RSPH14: variants seen among roughly 807,000 people sequenced by gnomAD.
The protein encoded by RSPH14 is rhabdoid tumor deletion region gene 1.
RSPH14 carries 20 observed loss-of-function variants against 26.7 expected under a neutral mutation model. That is an observed-to-expected ratio of 0.75 (90% CI 0.53 to 1.09). The LOEUF is 1.09. RSPH14 is among the 50% of genes least tolerant of loss of function. The pLI is 0.00. For missense variants in RSPH14, 449 were observed against 457.2 expected (o/e 0.98, Z 0.16); for synonymous variants, 177 against 189.3 (o/e 0.93, Z 0.53).
At position 23,076,289 on chromosome 22, in the gene RSPH14, T is replaced by C. The variant is rs117960119; in HGVS notation, c.422-12156A>G. Among the ~76,000 whole-genome samples, 1,040 of 152,332 alleles carry C rather than the reference T, an allele frequency of 6.8e-3. 13 individuals are homozygous for C. Among genetic ancestry groups the C allele is most frequent in the Middle Eastern group, 0.068 (20 of 294 alleles). ...ATCGTATGTGTTTGTGTAAGCTCCA[T>C]GAGGGCAGGGACGTTGCGGAGTCAC... On this transcript the variant is annotated intron_variant, in intron 4 of 6. Transcript: ENST00000216036.
intron 4 of RSPH14, among the ~76,000 whole-genome samples, chr22:23,099,198 CA>C (rs1451140883): frequency 6.6e-6 from 1 of 152,270 alleles, no homozygotes; most frequent in Non-Finnish European, 1.5e-5. Flanking sequence ...AGGAGAACGT[CA>C]GTGTCTCTGG....
chr22:23,109,077 T>C (rs2069567337), intron 4 of RSPH14, among the ~76,000 whole-genome samples: 1 of 152,194 alleles, frequency 6.6e-6, no homozygotes, highest in African/African-American at 2.4e-5. Flanking sequence ...TCATGAGGCC[T>C]GGACAGTGCC....
In RSPH14 at chr22:23,065,958, C is replaced by G. The variant is rs1165481626; in HGVS notation, c.422-1825G>C. Among the ~76,000 whole-genome samples, 4 of 152,318 alleles carry G rather than the reference C, an allele frequency of 2.6e-5. No homozygotes were observed. The East Asian group carries it at 7.7e-4, about 29-fold the overall frequency. ...TCTCTCTCGCAGCTCCCTGCTTTGC[C>G]CATACCACACACCTGGCCTCCTGCT... On this transcript the variant is annotated intron_variant, in intron 4 of 6. Transcript: ENST00000216036.
At chr22:23,145,389 G>T, upstream of RSPH14, 1 of 1,608,664 alleles carries the variant, frequency 6.2e-7, no homozygotes, top group Non-Finnish European at 8.5e-7. Flanking sequence ...GTGCAAGCTG[G>T]ATGCTTGGAC....
At chr22:23,064,529 A>C (rs988850295) in intron 4 of RSPH14, among the ~76,000 whole-genome samples, 4 of 152,152 alleles carry the variant, frequency 2.6e-5, no homozygotes, top group African/African-American at 9.7e-5. Context: ...CCTGCCCCAG[A>C]GTTGGGGAGC....
chr22:23,134,373 G>C (rs1031032387), intron 3 of RSPH14, among the ~76,000 whole-genome samples: 3 of 152,062 alleles, frequency 2.0e-5, no homozygotes, highest in Non-Finnish European at 2.9e-5. Context: ...TGTTCTTCTG[G>C]TCTCCCTTGC....
chr22:23,160,127 C>G, the RSPH14 span, among the ~76,000 whole-genome samples: 1 of 152,162 alleles, frequency 6.6e-6, no homozygotes, highest in African/African-American at 2.4e-5. Context: ...GAGGGGACAG[C>G]AGATATCTAG....
rs1479710857 is a variant in RSPH14 at position 23,082,104 on chromosome 22, G to A, written c.422-17971C>T. ...CGTGCCGCTGCACTCCAGCCTGGGC[G>A]ACAGAGCAAGACTCCGCCTCAAAAA... On this transcript the variant is annotated intron_variant, in intron 4 of 6. Transcript: ENST00000216036. Among the ~76,000 whole-genome samples the A allele has an allele frequency of 2.4e-4, 34 of 139,432 alleles. No individual in the cohort carries two copies. In the East Asian group the frequency reaches 3.9e-3, roughly 16 times the overall value. 91.5% of individuals were successfully genotyped at this position (139,432 alleles called of 152,430 possible). A position where few individuals can be genotyped will look rare whatever the true frequency, so the allele number is the denominator to read the frequency against.
intron 4 of RSPH14, among the ~76,000 whole-genome samples, chr22:23,082,397 T>G (rs1379797713): frequency 5.9e-5 from 8 of 135,024 alleles, no homozygotes; most frequent in African/African-American, 2.2e-4. Flanking sequence ...TTTTTTTTTG[T>G]ATCTTTAGTA....
intron 4 of RSPH14, among the ~76,000 whole-genome samples, chr22:23,097,207 A>C (rs1445438963): frequency 6.6e-6 from 1 of 152,098 alleles, no homozygotes; most frequent in Non-Finnish European, 1.5e-5. Flanking sequence ...GGAGTCACGA[A>C]GTTGTGGGTA....
At chr22:23,147,192 C>G (rs2070830194), upstream of RSPH14, among the ~76,000 whole-genome samples, 1 of 152,198 alleles carries the variant, frequency 6.6e-6, no homozygotes, top group Non-Finnish European at 1.5e-5. Flanking sequence ...TGAAAACTCA[C>G]AGCTCTCTTG....
At position 23,138,829 on chromosome 22, in the gene RSPH14, C is replaced by T. The variant is rs1228114485; in HGVS notation, c.302+11G>A. On this transcript the variant is annotated intron_variant, in intron 3 of 6. Transcript: ENST00000216036. ...GCAAGCGTCACACTGGTTTCCAGAA[C>T]AGCATCCCACCTGCCCACGCTATGG... The T allele has an allele frequency of 1.0e-5, 16 of 1,549,534 alleles. No individual in the cohort carries two copies. The highest frequency in any genetic ancestry group is 1.4e-5 in the Non-Finnish European group (16 of 1,145,766).
intron 6 of RSPH14, 35 bp from the exon 7 acceptor site, chr22:23,059,753 C>T: frequency 6.7e-7 from 1 of 1,495,258 alleles, no homozygotes; most frequent in South Asian, 1.4e-5. Flanking sequence ...TCCAAACAGC[C>T]CAAGGGGCCC....
intron 4 of RSPH14, among the ~76,000 whole-genome samples, chr22:23,069,519 C>G (rs1019227226): frequency 6.6e-6 from 1 of 152,178 alleles, no homozygotes; most frequent in African/African-American, 2.4e-5. Context: ...CTGCGTTTTG[C>G]TGAGGGTCTG....
At chr22:23,072,235 G>A (rs1410082623) in intron 4 of RSPH14, among the ~76,000 whole-genome samples, 1 of 152,170 alleles carries the variant, frequency 6.6e-6, no homozygotes, top group Non-Finnish European at 1.5e-5. Context: ...GTGACTCTGT[G>A]CCTCTGGGAT....
rs746834565 is a variant in RSPH14 at position 23,063,891 on chromosome 22, C to T, written c.653+11G>A. 1.2e-6 allele frequency: 2 copies of T among 1,613,198 alleles called. No individual in the cohort carries two copies. Among genetic ancestry groups the T allele is most frequent in the Non-Finnish European group, 1.7e-6 (2 of 1,179,276 alleles). Reference sequence around the variant, plus strand: ...AGCCTTGGTAGAAACCCAGCCTAGGCCAGGCCTCACCTGACATTAAGGAGC... The same window carrying T: ...AGCCTTGGTAGAAACCCAGCCTAGGTCAGGCCTCACCTGACATTAAGGAGC... On this transcript the variant is annotated intron_variant, in intron 5 of 6. Transcript: ENST00000216036.
chr22:23,158,027 A>C, the RSPH14 span: 1 of 1,614,104 alleles, frequency 6.2e-7, no homozygotes, highest in Non-Finnish European at 8.5e-7. Context: ...TGACGTGCAG[A>C]CCCTGGAGCA....
chr22:23,157,600 C>G, the RSPH14 span, among the ~76,000 whole-genome samples: 1 of 152,200 alleles, frequency 6.6e-6, no homozygotes, highest in Non-Finnish European at 1.5e-5. Flanking sequence ...TTAATCCTCA[C>G]AGCAACCCTG....
In RSPH14 at chr22:23,138,831, G is replaced by A; in HGVS notation, c.302+9C>T. 1 of 1,549,728 alleles carries A rather than the reference G, an allele frequency of 6.5e-7. No homozygotes were observed. On this transcript the variant is annotated intron_variant, in intron 3 of 6. Transcript: ENST00000216036. ...AAGCGTCACACTGGTTTCCAGAACA[G>A]CATCCCACCTGCCCACGCTATGGCT... is the stretch of plus-strand genomic sequence containing the variant.
Sources: gnomAD v4.1 joint callset for allele counts (sites outside exome capture counted in the v4.1 genomes callset) on GRCh38, gnomAD v4.1.1 for gene constraint, MANE v1.5 for transcripts, NCBI Gene and HGNC (gene_info 2026-07-23, HGNC 2026-07-21) for gene names.